Variants in SLC24A2 observed in about 807,000 individuals in gnomAD.
SLC24A2 encodes solute carrier family 24 member 2, also known as sodium/potassium/calcium exchanger 2.
A neutral mutation model predicts 62.0 loss-of-function variants in SLC24A2; 36 were observed. That is an observed-to-expected ratio of 0.58 (90% CI 0.44 to 0.77). The LOEUF (loss-of-function observed/expected upper bound fraction) is 0.77. Among genes scored for constraint, SLC24A2 ranks in the 30% least tolerant of loss-of-function variants. The probability of loss-of-function intolerance (pLI) is 0.00; values close to 1 mark genes in which losing one functional copy is unlikely to be tolerated. For missense variants in SLC24A2, 846 were observed against 817.9 expected, an observed-to-expected ratio of 1.03 and a Z score of -0.42; for synonymous variants, 358 against 294.0, an observed-to-expected ratio of 1.22 and a Z score of -2.23.
the SLC24A2 span, among the ~76,000 whole-genome samples, chr9:20,070,963 A>G: frequency 6.6e-6 from 1 of 152,136 alleles, no homozygotes; most frequent in Non-Finnish European, 1.5e-5. Context: ...GAGGTGGTTT[A>G]TTATAGTTTA....
chr9:19,874,211 C>T, the SLC24A2 span, among the ~76,000 whole-genome samples: 1 of 151,468 alleles, frequency 6.6e-6, no homozygotes, highest in African/African-American at 2.4e-5. Context: ...TCCTGAGTAG[C>T]TGGGATGACA....
At chr9:20,031,369 A>ATC in the SLC24A2 span, among the ~76,000 whole-genome samples, 1 of 146,430 alleles carries the variant, frequency 6.8e-6, no homozygotes, top group East Asian at 2.0e-4. Flanking sequence ...ATATATATAT[A>ATC]TATATAATTT....
At chr9:19,894,182 G>T in the SLC24A2 span, among the ~76,000 whole-genome samples, 68 of 152,294 alleles carry the variant, frequency 4.5e-4, no homozygotes, top group Non-Finnish European at 7.5e-4. Flanking sequence ...TGGACTCAGG[G>T]CTATGTGGTC....
the SLC24A2 span, among the ~76,000 whole-genome samples, chr9:19,862,797 G>A: frequency 6.6e-6 from 1 of 151,804 alleles, no homozygotes; most frequent in East Asian, 1.9e-4. Flanking sequence ...GATAGTATTT[G>A]CAAGCCTCAT....
At chr9:19,581,971 A>G (rs1434480371) in intron 5 of SLC24A2, among the ~76,000 whole-genome samples, 1 of 152,228 alleles carries the variant, frequency 6.6e-6, no homozygotes, top group East Asian at 1.9e-4. Context: ...ATATTTGTAT[A>G]GTTAAAAATC....
chr9:19,685,742 C>T (rs768140661), intron 2 of SLC24A2, among the ~76,000 whole-genome samples: 9 of 152,036 alleles, frequency 5.9e-5, no homozygotes, highest in Non-Finnish European at 1.3e-4. Flanking sequence ...AAACTGGGTC[C>T]CTTCCTTACT....
intron 2 of SLC24A2, among the ~76,000 whole-genome samples, chr9:19,722,046 A>G (rs1347527448): frequency 6.6e-6 from 1 of 152,126 alleles, no homozygotes; most frequent in South Asian, 2.1e-4. Flanking sequence ...CCCTCCTGAG[A>G]GGGGAAAGCA....
chr9:19,673,114 T>C (rs1035710551), intron 2 of SLC24A2, among the ~76,000 whole-genome samples: 1 of 146,406 alleles, frequency 6.8e-6, no homozygotes, highest in Non-Finnish European at 1.5e-5. Context: ...TGAAGACCTG[T>C]CTAGTTCTGT....
chr9:20,086,713 T>G, the SLC24A2 span, among the ~76,000 whole-genome samples: 1 of 152,224 alleles, frequency 6.6e-6, no homozygotes, highest in Non-Finnish European at 1.5e-5. Flanking sequence ...GTGTGCCTCT[T>G]AGTTTCTTGT....
At chr9:20,074,642 AG>A in the SLC24A2 span, among the ~76,000 whole-genome samples, 1 of 22,312 alleles carries the variant, frequency 4.5e-5, no homozygotes, top group Non-Finnish European at 7.9e-5. Context: ...AGGGACGGGA[AG>A]GGGGTGAGGG....
chr9:20,088,889 A>T, the SLC24A2 span, among the ~76,000 whole-genome samples: 2 of 152,086 alleles, frequency 1.3e-5, no homozygotes, highest in Admixed American at 1.3e-4. Context: ...CACAGCCTTC[A>T]CTGTTGATAC....
At chr9:19,985,152 A>G in the SLC24A2 span, among the ~76,000 whole-genome samples, 37,673 of 152,088 alleles carry the variant, frequency 0.25, 5,366 homozygotes, top group South Asian at 0.41. Flanking sequence ...AAGTGAAAAT[A>G]TATGCTCACT....
At chr9:19,913,327 A>C in the SLC24A2 span, among the ~76,000 whole-genome samples, 1 of 152,082 alleles carries the variant, frequency 6.6e-6, no homozygotes, top group African/African-American at 2.4e-5. Flanking sequence ...CCCACATCCC[A>C]TAAAGAGTAG....
intron 5 of SLC24A2, among the ~76,000 whole-genome samples, chr9:19,595,943 A>C (rs995351888): frequency 1.3e-5 from 2 of 152,146 alleles, no homozygotes; most frequent in Non-Finnish European, 2.9e-5. Flanking sequence ...ACTTATTCCT[A>C]CATGTAGGGT....
At chr9:20,207,463 T>TA in the SLC24A2 span, among the ~76,000 whole-genome samples, 1 of 151,874 alleles carries the variant, frequency 6.6e-6, no homozygotes, top group Non-Finnish European at 1.5e-5. Context: ...TCTGAACCTT[T>TA]AAGATTAAAA....
intron 7 of SLC24A2, among the ~76,000 whole-genome samples, chr9:19,561,160 C>A (rs1471437970): frequency 6.6e-6 from 1 of 151,728 alleles, no homozygotes; most frequent in African/African-American, 2.4e-5. Context: ...GAACTCTTGA[C>A]CTCAAGTGAT....
intron 2 of SLC24A2, among the ~76,000 whole-genome samples, chr9:19,751,353 G>C (rs1758750528): frequency 6.6e-6 from 1 of 152,162 alleles, no homozygotes; most frequent in South Asian, 2.1e-4. Context: ...TATATAGTTA[G>C]TAAACCGGTG....
chr9:19,735,677 CAT>C (rs1821486031), intron 2 of SLC24A2, among the ~76,000 whole-genome samples: 3 of 152,126 alleles, frequency 2.0e-5, no homozygotes, highest in African/African-American at 7.2e-5. Flanking sequence ...ACTATGCAGC[CAT>C]AAAAAATGAT....
At chr9:20,290,485 A>C in the SLC24A2 span, among the ~76,000 whole-genome samples, 28 of 152,296 alleles carry the variant, frequency 1.8e-4, no homozygotes, top group South Asian at 2.1e-3. Context: ...GCTGATATCC[A>C]CATGCCTTTG....
Sources: allele counts gnomAD v4.1 joint callset (sites outside exome capture counted in the v4.1 genomes callset), GRCh38; gene constraint gnomAD v4.1.1; transcripts MANE v1.5; gene names NCBI Gene and HGNC (gene_info 2026-07-23, HGNC 2026-07-21).